Variants in SLFN12L observed in about 807,000 individuals in gnomAD.
SLFN12L encodes the protein schlafen family member 12 like.
SLFN12L carries 34 observed loss-of-function variants against 34.8 expected under a neutral mutation model. That is an observed-to-expected ratio of 0.98 (90% CI 0.74 to 1.30). The LOEUF is 1.30. SLFN12L is among the 50% of genes most tolerant of loss of function. The pLI is 0.00. For synonymous variants in SLFN12L, 259 were observed against 247.5 expected (o/e 1.05, Z -0.44); for missense variants, 703 against 696.2 (o/e 1.01, Z -0.11).
chr17:35,471,072 T>C lies in SLFN12L; in HGVS notation c.*3851A>G, dbSNP rs1913798956. Among the ~76,000 whole-genome samples the C allele has an allele frequency of 1.3e-5, 2 of 152,094 alleles. No individual in the cohort carries two copies. The highest frequency in any genetic ancestry group is 4.8e-5 in the African/African-American group (2 of 41,404). The stretch of plus-strand genomic sequence containing the variant: ...TATCCAGTCTATCACTGATGGGCAT[T>C]TGGGTTGGTTCCATGCCTTTGCTAT... On this transcript the variant is annotated 3_prime_UTR_variant, in exon 5 of 5. Transcript: ENST00000628453.
At chr17:35,509,912 T>C (rs1915584279) in intron 2 of SLFN12L, 2 of 152,396 alleles carry the variant, frequency 1.3e-5, no homozygotes, top group Admixed American at 6.5e-5. Context: ...TTAGCCAAGA[T>C]GGTCTCGATC....
intron 1 of SLFN12L, among the ~76,000 whole-genome samples, chr17:35,525,749 C>T (rs2072328309): frequency 6.6e-6 from 1 of 152,180 alleles, no homozygotes; most frequent in African/African-American, 2.4e-5. Context: ...CCAGCCACTT[C>T]AAAAACATAC....
chr17:35,528,880 A>G (rs2072363663), intron 1 of SLFN12L, among the ~76,000 whole-genome samples: 2 of 152,240 alleles, frequency 1.3e-5, no homozygotes, highest in Non-Finnish European at 2.9e-5. Flanking sequence ...GCACAGCAAA[A>G]GAAACTAACA....
intron 1 of SLFN12L, among the ~76,000 whole-genome samples, chr17:35,536,308 A>T (rs2142183303): frequency 6.6e-6 from 1 of 152,356 alleles, no homozygotes; most frequent in East Asian, 1.9e-4. Context: ...TCTGTTAAAC[A>T]CAGGCAAGCA....
In SLFN12L at chr17:35,472,695, A is replaced by G. The variant is rs565775535; in HGVS notation, c.*2228T>C. On this transcript the variant is annotated 3_prime_UTR_variant, in exon 5 of 5. Coordinates refer to ENST00000628453, the MANE Select transcript of SLFN12L (RefSeq NM_001363830.2). ...ATATGAAATTCTGTGAAGAATGTCA[A>G]TGGTAGTTTGATGGGAATAACATTG... Among the ~76,000 whole-genome samples, 7 of 152,300 alleles carry G rather than the reference A, an allele frequency of 4.6e-5. 1 individual carries two copies. Among genetic ancestry groups the G allele is most frequent in the Admixed American group, 3.9e-4 (6 of 15,304 alleles).
chr17:35,503,383 GTC>G (rs973844610), intron 2 of SLFN12L, among the ~76,000 whole-genome samples: 114 of 152,186 alleles, frequency 7.5e-4, no homozygotes, highest in African/African-American at 2.7e-3. Flanking sequence ...GTTAAAAAGA[GTC>G]TATAAAAATC....
rs1914096453 is a variant in SLFN12L at position 35,477,674 on chromosome 17, C to T, written c.1276+401G>A. Among the ~76,000 whole-genome samples the T allele has an allele frequency of 2.6e-5, 4 of 151,890 alleles. No individual in the cohort carries two copies. The South Asian group carries it at 8.3e-4, about 32-fold the overall frequency. ...ATCTTCTATGGGAGATATTTTCTTC[C>T]ATGTATATACCCAAATAAATACCGA... On this transcript the variant is annotated intron_variant, in intron 4 of 4. Transcript: ENST00000628453.
In SLFN12L at chr17:35,522,355, T is replaced by A. The variant is rs749251105; in HGVS notation, c.10A>T (p.Ile4Phe). 3.7e-6 allele frequency: 6 copies of A among 1,614,090 alleles called. No individual in the cohort carries two copies. The highest frequency in any genetic ancestry group is 4.5e-5 in the East Asian group (2 of 44,898). Residue 4 changes from isoleucine (I) to phenylalanine (F), a missense_variant, in exon 2 of 5, where the codon ATC (isoleucine) becomes TTC (phenylalanine). Ile to Phe is a conservative substitution (Grantham distance 21, BLOSUM62 0). Transcript: ENST00000628453. ...GCCTCACAGTGAAACACATTCCTGA[T>A]CTTCTCCATGATCTTCATGGCCATG... The part of the protein sequence containing the change: MEK[I>F]RNVFHCEAHR...
chr17:35,488,755 C>G (rs1420133587), intron 2 of SLFN12L, among the ~76,000 whole-genome samples: 5 of 152,140 alleles, frequency 3.3e-5, no homozygotes, highest in African/African-American at 1.2e-4. Context: ...CTTCTTCACA[C>G]TGAATGAGCA....
Position 35,478,148 on chromosome 17 carries a change from T to C in SLFN12L, c.1203A>G (p.Ser401=). 6.5e-7 allele frequency: 1 copy of C among 1,545,680 alleles called. No homozygotes were observed. Among genetic ancestry groups the C allele is most frequent in the Non-Finnish European group, 8.8e-7 (1 of 1,142,176 alleles). Residue 401 remains serine (S), a synonymous_variant, in exon 4 of 5, where the codon TCA becomes TCG. Coordinates refer to ENST00000628453, the MANE Select transcript of SLFN12L (RefSeq NM_001363830.2). ...GAAGAGGATAACTCTGGGAGACAGG[T>C]GATGATGTACTTGCTGGAGAGGGCA... The part of the protein sequence containing the change: ...EELPSPASTS[S]PVSQSYPLRE...
At chr17:35,533,298 A>T (rs1021662305) in intron 1 of SLFN12L, among the ~76,000 whole-genome samples, 13 of 152,242 alleles carry the variant, frequency 8.5e-5, no homozygotes, top group African/African-American at 2.9e-4. Flanking sequence ...ATTCATACTT[A>T]ACCATAAATA....
intron 2 of SLFN12L, among the ~76,000 whole-genome samples, chr17:35,484,131 C>T (rs959406444): frequency 6.6e-6 from 1 of 152,178 alleles, no homozygotes; most frequent in African/African-American, 2.4e-5. Context: ...GGACTCTGTG[C>T]TTTTGCATAG....
intron 1 of SLFN12L, among the ~76,000 whole-genome samples, chr17:35,534,826 T>C (rs1036358771): frequency 5.3e-5 from 8 of 152,182 alleles, no homozygotes; most frequent in African/African-American, 1.9e-4. Flanking sequence ...AACCTGGATA[T>C]ATGCCAAAGC....
chr17:35,477,491 T>C (rs548862868), intron 4 of SLFN12L, among the ~76,000 whole-genome samples: 2 of 152,254 alleles, frequency 1.3e-5, no homozygotes, highest in South Asian at 4.1e-4. Flanking sequence ...ATGCAAGTCA[T>C]GAACTTGGAG....
rs993641158 is a variant in SLFN12L at position 35,468,715 on chromosome 17, C to G, written c.*6208G>C. Among the ~76,000 whole-genome samples, 1 of 152,182 alleles carries G rather than the reference C, an allele frequency of 6.6e-6. No homozygotes were observed. Among genetic ancestry groups the G allele is most frequent in the African/African-American group, 2.4e-5 (1 of 41,438 alleles). The stretch of plus-strand genomic sequence containing the variant: ...ATTTAATAGTAGTTACCACTACCTA[C>G]GTCATTCTAAGAATTAATGGAGGGC... On this transcript the variant is annotated 3_prime_UTR_variant, in exon 5 of 5. Transcript: ENST00000628453.
At chr17:35,490,141 G>A (rs1914775613) in intron 2 of SLFN12L, 1 of 1,606,424 alleles carries the variant, frequency 6.2e-7, no homozygotes, top group African/African-American at 1.3e-5. Flanking sequence ...TCTACACCAC[G>A]CCGCAGGGAC....
chr17:35,466,649 T>C lies in SLFN12L; in HGVS notation c.*8274A>G, dbSNP rs892826744. On this transcript the variant is annotated 3_prime_UTR_variant, in exon 5 of 5. Transcript: ENST00000628453. ...ATCTCATTGAGCTGTAACTCACAAA[T>C]GAACCCACTTTAAATGTGGCAGCCT... 1.3e-5 allele frequency among the ~76,000 whole-genome samples: 2 copies of C among 152,218 alleles called. No homozygotes were observed. The highest frequency in any genetic ancestry group is 2.9e-5 in the Non-Finnish European group (2 of 68,042).
rs958581884 is a variant in SLFN12L, at chr17:35,474,488, A to G, written c.*435T>C. 6.5e-6 allele frequency: 1 copy of G among 154,038 alleles called. No individual in the cohort carries two copies. The highest frequency in any genetic ancestry group is 1.4e-5 in the Non-Finnish European group (1 of 69,210). 9.5% of individuals were successfully genotyped at this position (154,038 alleles called of 1,614,324 possible). ...TTTAGAGAATTAGAGAATGTTACCA[A>G]ATATATAATGAAAAATATCTCTGTA... On this transcript the variant is annotated 3_prime_UTR_variant, in exon 5 of 5. Transcript: ENST00000628453.
Position 35,471,622 on chromosome 17 carries a change from C to T in SLFN12L, c.*3301G>A, listed in dbSNP as rs748575317. Among the ~76,000 whole-genome samples, 1 of 151,672 alleles carries T rather than the reference C, an allele frequency of 6.6e-6. No homozygotes were observed. Among genetic ancestry groups the T allele is most frequent in the Non-Finnish European group, 1.5e-5 (1 of 67,812 alleles). On this transcript the variant is annotated 3_prime_UTR_variant, in exon 5 of 5. Coordinates refer to ENST00000628453, the MANE Select transcript of SLFN12L (RefSeq NM_001363830.2). Reference sequence around the variant, plus strand: ...AAGCATTCCTATTTCTCCACAGCCTCGCCGTGCAGTGGAGACTTTTTAATA... The same window carrying T: ...AAGCATTCCTATTTCTCCACAGCCTTGCCGTGCAGTGGAGACTTTTTAATA...
Sources: gnomAD v4.1 joint callset for allele counts (sites outside exome capture counted in the v4.1 genomes callset) on GRCh38, gnomAD v4.1.1 for gene constraint, MANE v1.5 for transcripts, NCBI Gene and HGNC (gene_info 2026-07-23, HGNC 2026-07-21) for gene names.